DOP1A: variants seen among roughly 807,000 people sequenced by gnomAD.
DOP1A encodes the protein DOP1 leucine zipper like protein A, also known as protein DOP1A.
DOP1A carries 90 observed loss-of-function variants against 267.6 expected under a neutral mutation model. The ratio of observed to expected loss-of-function variants is 0.34; its 90% CI spans 0.28 to 0.40. DOP1A has a LOEUF of 0.40. Among genes scored for constraint, DOP1A ranks in the 10% least tolerant of loss-of-function variants. The pLI, the probability that DOP1A is intolerant of heterozygous loss-of-function variation, is 1.00. For missense variants in DOP1A, 2,437 were observed against 2,900.4 expected, an observed-to-expected ratio of 0.84 and a Z score of 3.67; for synonymous variants, 932 against 999.1, an observed-to-expected ratio of 0.93 and a Z score of 1.27.
At chr6:83,153,728 C>T in intron 31 of DOP1A, 108 bp downstream of exon 31, 1 of 1,185,716 alleles carries the variant, frequency 8.4e-7, no homozygotes, top group Non-Finnish European at 1.2e-6. Flanking sequence ...GCATTTTTAC[C>T]TTGAATTATA....
chr6:83,138,616 A>C lies in DOP1A; in HGVS notation c.4574A>C (p.Gln1525Pro). 6.2e-7 allele frequency: 1 copy of C among 1,613,934 alleles called. No homozygotes were observed. The highest frequency in any genetic ancestry group is 1.1e-5 in the South Asian group (1 of 91,076). Residue 1525 changes from glutamine to proline, a missense_variant, in exon 21 of 39, where the codon CAG becomes CCG. Gln to Pro is a moderately conservative substitution (Grantham distance 76). This residue lies in a region of DOP1A where 878 missense variants were observed against 992.9 expected (regional missense o/e 0.88). Coordinates refer to ENST00000349129, the MANE Select transcript of DOP1A (RefSeq NM_015018.4). ...GATATGTTATCTAAGTGCAAAGTTCAGAAAGTGATTCTTCATTGTTTGCTG... is the reference window on the plus strand; with the variant it reads ...GATATGTTATCTAAGTGCAAAGTTCCGAAAGTGATTCTTCATTGTTTGCTG... ...ISDMLSKCKV[Q>P]KVILHCLLSS... is the part of the protein sequence containing the mutation.
chr6:83,159,801 C>T lies in DOP1A; in HGVS notation c.6803C>T (p.Ser2268Leu). 6.2e-7 allele frequency: 1 copy of T among 1,614,086 alleles called. No individual in the cohort carries two copies. Among genetic ancestry groups the T allele is most frequent in the Non-Finnish European group, 8.5e-7 (1 of 1,180,014 alleles). ...LTADEDISRT[S>L]GPSVAGLETT... ...GCACTGTCTCCTGCTTACAGGACTT[C>T]AGGGCCCTCTGTGGCTGGTCTGGAG... is the stretch of plus-strand genomic sequence containing the variant. The change falls in exon 37 of 39, where the codon TCA becomes TTA. Residue 2268 changes from serine (S) to leucine (L), a missense_variant. Ser to Leu is a moderately radical substitution (Grantham distance 145). Transcript: ENST00000349129.
Position 83,140,108 on chromosome 6 carries a change from C to A in DOP1A, c.5229C>A (p.His1743Gln). 1.2e-6 allele frequency: 2 copies of A among 1,610,650 alleles called. No individual in the cohort carries two copies. Among genetic ancestry groups the A allele is most frequent in the Non-Finnish European group, 1.7e-6 (2 of 1,177,648 alleles). ...TGTTGGATCCAACTACACAGTATCA[C>A]CAAGTAAGACTGCACAAATATTTGA... The part of the protein sequence containing the change: ...YCLLDPTTQY[H>Q]QLLVSVDQKH... The change falls in exon 22 of 39, where the codon CAC becomes CAA. Residue 1743 changes from histidine (H) to glutamine (Q), a missense_variant. Around this residue, in one of 9 missense-constraint regions of DOP1A, gnomAD observed 307 missense variants for 308.6 expected, o/e 0.99. Coordinates refer to ENST00000349129, the MANE Select transcript of DOP1A (RefSeq NM_015018.4).
chr6:83,159,594 G>A (rs1270461704), intron 36 of DOP1A: 3 of 628,206 alleles, frequency 4.8e-6, no homozygotes, highest in South Asian at 2.0e-5. Flanking sequence ...CCCAGTCTAT[G>A]TACTGTTTTT....
Position 83,143,234 on chromosome 6 carries a change from G to A in DOP1A, c.5541+1188G>A, listed in dbSNP as rs934377366. 2.0e-5 allele frequency among the ~76,000 whole-genome samples: 3 copies of A among 152,258 alleles called. No homozygotes were observed. The South Asian group carries it at 6.2e-4, about 32-fold the overall frequency. On this transcript the variant is annotated intron_variant, in intron 24 of 38. Transcript: ENST00000349129. ...AGAATTCAAGACCTCATGAGACCCT[G>A]TCTCTACAAAAAATAAAAATAGTGA...
At chr6:83,164,006 G>GT (rs1784837708) in intron 38 of DOP1A, among the ~76,000 whole-genome samples, 1 of 151,180 alleles carries the variant, frequency 6.6e-6, no homozygotes, top group African/African-American at 2.4e-5. Context: ...TTGGGCCTTT[G>GT]TTATTAACCT....
chr6:83,168,045 T>C lies in DOP1A; in HGVS notation c.7276T>C (p.Ser2426Pro). 2 of 1,614,144 alleles carry C rather than the reference T, an allele frequency of 1.2e-6. No homozygotes were observed. Among genetic ancestry groups the C allele is most frequent in the Non-Finnish European group, 1.7e-6 (2 of 1,180,016 alleles). The change falls in exon 39 of 39, where the codon TCA (serine) becomes CCA (proline). Residue 2426 changes from serine to proline, a missense_variant. Coordinates refer to ENST00000349129, the MANE Select transcript of DOP1A (RefSeq NM_015018.4). ...ACACTCAGGGAGTCCTATCCTCTAC[T>C]CAAATGCCTTCCCTAATAAGGACAT... ...GGHSGSPILY[S>P]NAFPNKDMKL...
intron 38 of DOP1A, chr6:83,166,093 G>A (rs761997051): frequency 1.1e-5 from 4 of 367,870 alleles, no homozygotes; most frequent in Non-Finnish European, 1.9e-5. Context: ...ATAGAGAAAT[G>A]ATTCATTATT....
chr6:83,110,328 T>C lies in DOP1A; in HGVS notation c.681+14T>C. ...ATTGAGCTAATGGTAGGTCTAAAAATATGGTTGCTCATTTCACAAATATTT... is the reference window on the plus strand; with the variant it reads ...ATTGAGCTAATGGTAGGTCTAAAAACATGGTTGCTCATTTCACAAATATTT... On this transcript the variant is annotated intron_variant, in intron 6 of 38. Transcript: ENST00000349129. The C allele has an allele frequency of 1.9e-6, 3 of 1,608,252 alleles. No homozygotes were observed. The highest frequency in any genetic ancestry group is 1.7e-6 in the Non-Finnish European group (2 of 1,176,790).
At position 83,135,801 on chromosome 6, in the gene DOP1A, G is replaced by A. The variant is rs777537189; in HGVS notation, c.3053G>A (p.Arg1018His). Residue 1018 changes from arginine (R) to histidine (H), a missense_variant, in exon 20 of 39, where the codon CGT becomes CAT. Physicochemically the swap from Arg to His is conservative, Grantham distance 29. This residue lies in a region of DOP1A where 878 missense variants were observed against 992.9 expected (regional missense o/e 0.88). Coordinates refer to ENST00000349129, the MANE Select transcript of DOP1A (RefSeq NM_015018.4). The stretch of plus-strand genomic sequence containing the variant: ...TCAGTACAGCGTGTACAAGCAGAAC[G>A]TTATTGGAATAAGTCTCCCTGTTAT... ...RVSVQRVQAERYWNKSPCYPG... is the reference protein window; with the variant it reads ...RVSVQRVQAEHYWNKSPCYPG... 6.2e-6 allele frequency: 10 copies of A among 1,613,552 alleles called. No individual in the cohort carries two copies. The highest frequency in any genetic ancestry group is 1.7e-5 in the Admixed American group (1 of 59,966).
At chr6:83,111,646 T>C (rs182260048) in intron 6 of DOP1A, among the ~76,000 whole-genome samples, 40 of 152,306 alleles carry the variant, frequency 2.6e-4, no homozygotes, top group Admixed American at 8.5e-4. Flanking sequence ...TGTGGTTGGT[T>C]ATTGGCTATT....
intron 38 of DOP1A, 144 bp from the exon 39 acceptor site, chr6:83,167,718 G>T: frequency 7.1e-7 from 1 of 1,407,186 alleles, no homozygotes; most frequent in Non-Finnish European, 9.2e-7. Flanking sequence ...AAGCACCAAG[G>T]GTTTTGATCA....
intron 1 of DOP1A, among the ~76,000 whole-genome samples, chr6:83,085,400 A>G (rs4437440): frequency 0.98 from 148,496 of 152,296 alleles, 72,509 homozygotes; most frequent in Middle Eastern, 1. Context: ...ACAAATGCTA[A>G]TAAGGAAATA....
chr6:83,132,378 C>G, intron 18 of DOP1A, 50 bp downstream of exon 18: 1 of 1,507,932 alleles, frequency 6.6e-7, no homozygotes, highest in South Asian at 1.3e-5. Context: ...CACACACACA[C>G]ACACACAAAT....
chr6:83,105,323 T>C (rs942401367), intron 4 of DOP1A, among the ~76,000 whole-genome samples: 4 of 149,530 alleles, frequency 2.7e-5, no homozygotes, highest in Admixed American at 1.3e-4. Context: ...AGCAAGGAAA[T>C]ATTATTAAAG....
intron 1 of DOP1A, among the ~76,000 whole-genome samples, chr6:83,080,315 C>T (rs1767868631): frequency 6.6e-6 from 1 of 152,168 alleles, no homozygotes; most frequent in African/African-American, 2.4e-5. Flanking sequence ...TCTATAGATA[C>T]TGTTAATACA....
chr6:83,130,486 T>C (rs1777845333), intron 17 of DOP1A, 89 bp downstream of exon 17: 3 of 1,475,096 alleles, frequency 2.0e-6, no homozygotes, highest in African/African-American at 1.4e-5. Context: ...ATTTTTTAAA[T>C]GTTAATAAAG....
chr6:83,111,989 A>G (rs1774636482), intron 6 of DOP1A, among the ~76,000 whole-genome samples: 1 of 152,140 alleles, frequency 6.6e-6, no homozygotes, highest in Non-Finnish European at 1.5e-5. Flanking sequence ...TTTTTCTTCA[A>G]TGCGTAAGTT....
chr6:83,111,456 T>A (rs984201611), intron 6 of DOP1A, among the ~76,000 whole-genome samples: 1 of 151,868 alleles, frequency 6.6e-6, no homozygotes, highest in African/African-American at 2.4e-5. Context: ...CAAACTTTTT[T>A]CCAAAGTGAC....
Sources: gnomAD v4.1 joint callset for allele counts (sites outside exome capture counted in the v4.1 genomes callset) on GRCh38, gnomAD v4.1.1 for gene constraint, gnomAD v4.1.1 regional missense constraint, MANE v1.5 for transcripts, NCBI Gene and HGNC (gene_info 2026-07-23, HGNC 2026-07-21) for gene names.